The following PCDHGB6 variants were observed in gnomAD, a reference collection of about 807,000 sequenced individuals.
The protein encoded by PCDHGB6 is protocadherin gamma-B6.
Under a neutral mutation model 59.1 loss-of-function variants are expected in PCDHGB6, and 51 were observed. The ratio of observed to expected loss-of-function variants is 0.86; its 90% CI spans 0.69 to 1.09. PCDHGB6 has a LOEUF of 1.09. PCDHGB6 is among the 50% of genes least tolerant of loss of function. The probability of loss-of-function intolerance (pLI) is 0.00; values close to 1 mark genes in which losing one functional copy is unlikely to be tolerated. For synonymous variants in PCDHGB6, 466 were observed against 495.1 expected (o/e 0.94, Z 0.78); for missense variants, 1,148 against 1,205.1 (o/e 0.95, Z 0.70).
intron 1 of PCDHGB6, among the ~76,000 whole-genome samples, chr5:141,445,814 T>C (rs1554133709): frequency 6.6e-6 from 1 of 152,182 alleles, no homozygotes; most frequent in Non-Finnish European, 1.5e-5. Context: ...TAGATGAAAC[T>C]AATAAGGCAG....
At position 141,486,061 on chromosome 5, in the gene PCDHGB6, C is replaced by T. The variant is rs1280895997; in HGVS notation, c.2419-8746C>T. 2 of 1,614,166 alleles carry T rather than the reference C, an allele frequency of 1.2e-6. No individual in the cohort carries two copies. Among genetic ancestry groups the T allele is most frequent in the South Asian group, 1.1e-5 (1 of 91,078 alleles). On this transcript the variant is annotated intron_variant, in intron 1 of 3. Coordinates refer to ENST00000520790, the MANE Select transcript of PCDHGB6 (RefSeq NM_018926.3). The surrounding 1 kb of genome is among the most constrained non-coding windows in gnomAD (Gnocchi z 5.0). ...GTGTAAGAAACCTCTTTAGCCTGCA[C>T]CCCACTACTGGAAAGCTTACTCTTT...
At position 141,477,493 on chromosome 5, in the gene PCDHGB6, A is replaced by G. The variant is rs2154575835; in HGVS notation, c.2419-17314A>G. ...ATGACAACCCTCCACAATCTTCTCA[A>G]TCTTCCTACGACGTTTACATTGAAG... On this transcript the variant is annotated intron_variant, in intron 1 of 3. Transcript: ENST00000520790. This position sits in a 1 kb window ranked among gnomAD's most constrained non-coding sequence, Gnocchi z 4.9. 6.2e-7 allele frequency: 1 copy of G among 1,613,976 alleles called. No individual in the cohort carries two copies. The highest frequency in any genetic ancestry group is 1.6e-4 in the Middle Eastern group (1 of 6,062).
chr5:141,440,321 C>T (rs1048535776), intron 1 of PCDHGB6: 1 of 152,104 alleles, frequency 6.6e-6, no homozygotes, highest in African/African-American at 2.4e-5. Context: ...ACAAAAATTA[C>T]TGGGCATGGT....
Position 141,485,152 on chromosome 5 carries a change from A to C in PCDHGB6, c.2419-9655A>C. ...CTTCATCCGCGTCTCAGGAGCAAGT[A>C]GAGAATTAGCGGGCGGCAGCAATGC... On this transcript the variant is annotated intron_variant, in intron 1 of 3. Coordinates refer to ENST00000520790, the MANE Select transcript of PCDHGB6 (RefSeq NM_018926.3). The surrounding 1 kb of genome is among the most constrained non-coding windows in gnomAD (Gnocchi z 5.7). 8.8e-6 allele frequency: 14 copies of C among 1,586,038 alleles called. No individual in the cohort carries two copies. The highest frequency in any genetic ancestry group is 1.0e-5 in the Non-Finnish European group (12 of 1,157,128).
chr5:141,449,782 T>C (rs2098655261), intron 1 of PCDHGB6, among the ~76,000 whole-genome samples: 1 of 151,720 alleles, frequency 6.6e-6, no homozygotes, highest in South Asian at 2.1e-4. Flanking sequence ...GAAATTATGT[T>C]TCTTTATTCC....
chr5:141,450,838 T>A (rs2098698352), intron 1 of PCDHGB6, among the ~76,000 whole-genome samples: 1 of 149,278 alleles, frequency 6.7e-6, no homozygotes, highest in African/African-American at 2.5e-5. Flanking sequence ...TATTTTTTTT[T>A]TTTTGAGATG....
intron 1 of PCDHGB6, among the ~76,000 whole-genome samples, chr5:141,460,640 TGTTTACACATA>T (rs2098994223): frequency 6.6e-6 from 1 of 152,096 alleles, no homozygotes; most frequent in Admixed American, 6.6e-5. Flanking sequence ...TATATAACTG[TGTTTACACATA>T]TGTAACTGTA....
rs747722740 is a variant in PCDHGB6, at chr5:141,485,835, C to G, written c.2419-8972C>G. 3 of 1,614,190 alleles carry G rather than the reference C, an allele frequency of 1.9e-6. No homozygotes were observed. In the South Asian group the frequency reaches 3.3e-5, roughly 18 times the overall value. On this transcript the variant is annotated intron_variant, in intron 1 of 3. Transcript: ENST00000520790. This position sits in a 1 kb window ranked among gnomAD's most constrained non-coding sequence, Gnocchi z 5.7. ...ACTGCTGTCGATGGAGGGAACCCGC[C>G]GAGATCTGGCACCGCAGAGCTCCGG...
intron 1 of PCDHGB6, 115 bp downstream of exon 1, chr5:141,410,735 T>C: frequency 7.5e-7 from 1 of 1,336,188 alleles, no homozygotes; most frequent in Non-Finnish European, 1.0e-6. Context: ...CATAGCTTTT[T>C]ACAATATTTT....
chr5:141,467,897 A>G (rs1403276382), intron 1 of PCDHGB6, among the ~76,000 whole-genome samples: 1 of 152,056 alleles, frequency 6.6e-6, no homozygotes, highest in Non-Finnish European at 1.5e-5. Flanking sequence ...GAGCTCAAGA[A>G]ATCCGCCCAC....
chr5:141,457,701 G>A (rs1341216514), intron 1 of PCDHGB6, among the ~76,000 whole-genome samples: 1 of 152,222 alleles, frequency 6.6e-6, no homozygotes, highest in Admixed American at 6.5e-5. Context: ...TGGCTTTGAT[G>A]AAACACTGTT....
In PCDHGB6 at chr5:141,409,483, G is replaced by A; in HGVS notation, c.1281G>A (p.Arg427=). ...EYNVTIVATD[R]GKPPLSSSRS... ...ATGTCACCATCGTAGCCACTGACAG[G>A]GGCAAGCCGCCTCTTTCTTCCAGTA... Residue 427 remains arginine, a synonymous_variant, in exon 1 of 4, where the codon AGG becomes AGA. Coordinates refer to ENST00000520790, the MANE Select transcript of PCDHGB6 (RefSeq NM_018926.3). The A allele has an allele frequency of 6.2e-7, 1 of 1,613,944 alleles. No homozygotes were observed. The highest frequency in any genetic ancestry group is 8.5e-7 in the Non-Finnish European group (1 of 1,179,892).
In PCDHGB6 at chr5:141,410,439, G is replaced by C; in HGVS notation, c.2237G>C (p.Gly746Ala). 1 of 1,614,008 alleles carries C rather than the reference G, an allele frequency of 6.2e-7. No homozygotes were observed. The highest frequency in any genetic ancestry group is 8.5e-7 in the Non-Finnish European group (1 of 1,179,908). The change falls in exon 1 of 4, where the codon GGG becomes GCG. Residue 746 changes from glycine to alanine, a missense_variant. By Grantham distance (60) the Gly-to-Ala change is moderately conservative. This residue lies in a region of PCDHGB6 where 283 missense variants were observed against 318.6 expected (regional missense o/e 0.89). Transcript: ENST00000520790. ...GTAGTTCCCCCCAACTACAGTGAGG[G>C]GACTTTGCCTTATTCTTATAATCTG... ...GPVVPPNYSEGTLPYSYNLCI... is the reference protein window; with the variant it reads ...GPVVPPNYSEATLPYSYNLCI...
At position 141,431,684 on chromosome 5, in the gene PCDHGB6, C is replaced by A. The variant is rs1017231854; in HGVS notation, c.2418+21064C>A. On this transcript the variant is annotated intron_variant, in intron 1 of 3. Transcript: ENST00000520790. This position sits in a 1 kb window ranked among gnomAD's most constrained non-coding sequence, Gnocchi z 4.8. Reference sequence around the variant, plus strand: ...AATATCAACAATAGGGGAGTTGGACCACGAGGAGTCAGGATTCTACCAGAT... The same window carrying A: ...AATATCAACAATAGGGGAGTTGGACAACGAGGAGTCAGGATTCTACCAGAT... The A allele has an allele frequency of 1.9e-6, 3 of 1,614,186 alleles. No homozygotes were observed. Among genetic ancestry groups the A allele is most frequent in the Admixed American group, 1.7e-5 (1 of 60,032 alleles).
At chr5:141,422,111 T>A (rs763658255) in intron 1 of PCDHGB6, 1 of 1,606,408 alleles carries the variant, frequency 6.2e-7, no homozygotes, top group Admixed American at 1.7e-5. Context: ...ATATTCCAAT[T>A]GGATTCACAA....
chr5:141,472,779 A>C (rs908169292), intron 1 of PCDHGB6, among the ~76,000 whole-genome samples: 5 of 152,012 alleles, frequency 3.3e-5, no homozygotes, highest in Non-Finnish European at 7.4e-5. Context: ...TGAGGTTGGG[A>C]GTTCAAGATC....
At chr5:141,454,796 ATTTTTTTTTTTT>A (rs61612330) in intron 1 of PCDHGB6, among the ~76,000 whole-genome samples, 76 of 77,462 alleles carry the variant, frequency 9.8e-4, no homozygotes, top group African/African-American at 3.9e-3. Flanking sequence ...CATGGTTCTA[ATTTTTTTTTTTT>A]TTTTTTTTTT....
chr5:141,484,230 G>A (rs1325484143), intron 1 of PCDHGB6, among the ~76,000 whole-genome samples: 2 of 152,174 alleles, frequency 1.3e-5, no homozygotes, highest in Non-Finnish European at 2.9e-5. Flanking sequence ...CAGGTAAAGA[G>A]ATCTGGTCCT....
intron 1 of PCDHGB6, chr5:141,421,232 C>G (rs748347420): frequency 1.3e-6 from 2 of 1,590,370 alleles, no homozygotes; most frequent in Non-Finnish European, 1.7e-6. Context: ...CCTGCCATGG[C>G]GAATCGGCTA....
Sources: gnomAD v4.1 joint callset for allele counts (sites outside exome capture counted in the v4.1 genomes callset) on GRCh38, gnomAD v4.1.1 for gene constraint, gnomAD v4.1.1 regional missense constraint, Gnocchi (gnomAD v3.1) non-coding constraint, MANE v1.5 for transcripts, NCBI Gene and HGNC (gene_info 2026-07-23, HGNC 2026-07-21) for gene names.